DOCK9: variants seen among roughly 807,000 people sequenced by gnomAD.
The protein encoded by DOCK9 is dedicator of cytokinesis 9.
DOCK9 carries 89 observed loss-of-function variants against 263.3 expected under a neutral mutation model. The ratio of observed to expected loss-of-function variants is 0.34; its 90% confidence interval spans 0.28 to 0.40. The LOEUF (loss-of-function observed/expected upper bound fraction) is 0.40. Ranked by LOEUF, DOCK9 falls within the 10% of genes least tolerant of loss-of-function variation. The pLI, the probability that DOCK9 is intolerant of heterozygous loss-of-function variation, is 1.00. For missense variants in DOCK9, 2,140 were observed against 2,603.4 expected (o/e 0.82, Z 3.87); for synonymous variants, 976 against 973.1 (o/e 1.00, Z -0.06).
At chr13:99,008,196 CTCTCTCTCTCTCTCTCTATA>C (rs1262930957) in intron 1 of DOCK9, among the ~76,000 whole-genome samples, 1 of 72,150 alleles carries the variant, frequency 1.4e-5, no homozygotes, top group Non-Finnish European at 2.8e-5. Flanking sequence ...CTCTCTCTCT[CTCTCTCTCTCTCTCTCTATA>C]TATATATATA....
intron 3 of DOCK9, among the ~76,000 whole-genome samples, chr13:98,926,935 T>A (rs1351304986): frequency 4.7e-5 from 7 of 147,840 alleles, no homozygotes; most frequent in Admixed American, 4.1e-4. Flanking sequence ...AACCTTTCTA[T>A]CTGTGTCACA....
At chr13:99,082,774 C>A (rs2042179058) in intron 1 of DOCK9, among the ~76,000 whole-genome samples, 1 of 152,080 alleles carries the variant, frequency 6.6e-6, no homozygotes, top group Admixed American at 6.5e-5. Flanking sequence ...AACAACAATA[C>A]AAGGAAAGCA....
At chr13:99,057,917 G>A (rs2041001468) in intron 1 of DOCK9, among the ~76,000 whole-genome samples, 1 of 152,074 alleles carries the variant, frequency 6.6e-6, no homozygotes, top group African/African-American at 2.4e-5. Context: ...ATTCTGTTAT[G>A]TTGAAAACTG....
chr13:98,876,456 A>T lies in DOCK9; in HGVS notation c.2943+3442T>A, dbSNP rs533487317. 6.6e-5 allele frequency among the ~76,000 whole-genome samples: 10 copies of T among 152,322 alleles called. No homozygotes were observed. In the East Asian group the frequency reaches 1.9e-3, roughly 29 times the overall value. ...CAGTGAGCCCAGATTGCGTCACAGC[A>T]CTCCAGCCTGGGCAACAAGAGCAAA... On this transcript the variant is annotated intron_variant, in intron 27 of 52. Coordinates refer to ENST00000682017, the MANE Select transcript of DOCK9 (RefSeq NM_001366683.2).
intron 9 of DOCK9, among the ~76,000 whole-genome samples, chr13:98,912,092 G>T (rs1233165121): frequency 6.6e-6 from 1 of 151,624 alleles, no homozygotes; most frequent in East Asian, 2.0e-4. Context: ...GGCTGGTCTT[G>T]AACTCCTAAC....
rs1555298970 is a variant in DOCK9 at position 99,038,287 on chromosome 13, C to CTTTTTTTTT, written c.129+47935_129+47936insAAAAAAAAA. Among the ~76,000 whole-genome samples, 17 of 48,816 alleles carry CTTTTTTTTT rather than the reference C, an allele frequency of 3.5e-4. 1 individual carries two copies. In the East Asian group the frequency reaches 8.4e-3, roughly 24 times the overall value. The allele number at this position is 48,816 out of a possible 152,430, so 32.0% of individuals were successfully genotyped here. Reference sequence around the variant, plus strand: ...AGCTGAAAAACTGGCTTTATGCCCCCCTTTTTTTTTTTTTTTTTTTTTTTT... The same window carrying CTTTTTTTTT: ...AGCTGAAAAACTGGCTTTATGCCCCCTTTTTTTTTCTTTTTTTTTTTTTTTTTTTTTTTT... On this transcript the variant is annotated intron_variant, in intron 1 of 32. Transcript: ENST00000427887.
At chr13:98,873,128 G>A (rs2094232556) in intron 27 of DOCK9, among the ~76,000 whole-genome samples, 1 of 152,128 alleles carries the variant, frequency 6.6e-6, no homozygotes, top group Non-Finnish European at 1.5e-5. Flanking sequence ...TCACACATGT[G>A]CTGCCCTCTG....
intron 2 of DOCK9, 89 bp downstream of exon 2, chr13:98,955,339 TAATTAAC>T: frequency 2.5e-6 from 2 of 794,516 alleles, no homozygotes; most frequent in South Asian, 5.4e-5. Context: ...ATAATAATAA[TAATTAAC>T]TAACCAAACA....
At chr13:99,070,412 G>A (rs147525164) in intron 1 of DOCK9, among the ~76,000 whole-genome samples, 29 of 152,128 alleles carry the variant, frequency 1.9e-4, no homozygotes, top group Admixed American at 1.7e-3. Context: ...TCTTAAACAT[G>A]TTTTCACACA....
intron 50 of DOCK9, among the ~76,000 whole-genome samples, chr13:98,797,726 G>T (rs993910070): frequency 2.0e-5 from 3 of 152,162 alleles, no homozygotes; most frequent in African/African-American, 7.2e-5. Flanking sequence ...TATGTAAGAA[G>T]AAACCAATGC....
At chr13:98,809,051 A>C in intron 47 of DOCK9, 1 of 1,509,604 alleles carries the variant, frequency 6.6e-7, no homozygotes, top group African/African-American at 1.4e-5. Context: ...TACAGACTTG[A>C]AAAGCAAACT....
chr13:99,084,655 C>T (rs2042259707), intron 1 of DOCK9, among the ~76,000 whole-genome samples: 1 of 152,134 alleles, frequency 6.6e-6, no homozygotes, highest in African/African-American at 2.4e-5. Flanking sequence ...CACTCCTGGG[C>T]TCCATCTACA....
rs1257291775 is a variant in DOCK9 at position 98,829,495 on chromosome 13, C to T, written c.4777G>A (p.Asp1593Asn). Residue 1593 changes from aspartate (D) to asparagine (N), a missense_variant, in exon 43 of 53, where the codon GAC becomes AAC. By Grantham distance (23) the Asp-to-Asn change is conservative. This residue lies in a region of DOCK9 where 619 missense variants were observed against 861.8 expected (regional missense o/e 0.72). Transcript: ENST00000682017. The surrounding 1 kb of genome is among the most constrained non-coding windows in gnomAD (Gnocchi z 4.1). ...KHTSFSSDVK[D>N]LTKRIRTVLM... ...ACCGTGCGTATCCTTTTGGTTAAGT[C>T]CTTCACATCAGAGGAGAAGCTGGTG... 1.2e-6 allele frequency: 2 copies of T among 1,613,702 alleles called. No individual in the cohort carries two copies. Among genetic ancestry groups the T allele is most frequent in the Admixed American group, 3.3e-5 (2 of 60,004 alleles).
rs144372921 is a variant in DOCK9 at position 99,015,888 on chromosome 13, G to C, written c.130-60337C>G. 152 of 680,442 alleles carry C rather than the reference G, an allele frequency of 2.2e-4. 1 individual carries two copies. In the African/African-American group the frequency reaches 2.4e-3, roughly 11 times the overall value. 42.2% of individuals were successfully genotyped at this position (680,442 alleles called of 1,614,324 possible). A position where few individuals can be genotyped will look rare whatever the true frequency, so the allele number is the denominator to read the frequency against. On this transcript the variant is annotated intron_variant, in intron 1 of 32. Transcript: ENST00000427887. ...CCTTTAAAGTATCGTTTTTCTAGCTGATTGCTTCACTCTTAATACCAAAGA... is the reference window on the plus strand; with the variant it reads ...CCTTTAAAGTATCGTTTTTCTAGCTCATTGCTTCACTCTTAATACCAAAGA...
intron 14 of DOCK9, 105 bp downstream of exon 14, chr13:98,898,074 C>A (rs2047699579): frequency 8.9e-6 from 7 of 782,850 alleles, no homozygotes; most frequent in Non-Finnish European, 1.4e-5. Flanking sequence ...CTCAGTTTTA[C>A]ACATTCAAAT....
intron 38 of DOCK9, among the ~76,000 whole-genome samples, chr13:98,843,664 T>G (rs192078661): frequency 6.6e-6 from 1 of 152,144 alleles, no homozygotes; most frequent in East Asian, 1.9e-4. Flanking sequence ...GAGGACAGTA[T>G]GCCACTGAAA....
At chr13:99,048,444 G>C (rs1039410294) in intron 1 of DOCK9, among the ~76,000 whole-genome samples, 2 of 152,174 alleles carry the variant, frequency 1.3e-5, no homozygotes, top group African/African-American at 4.8e-5. Flanking sequence ...GTGTTCATCA[G>C]TGTTCATTAA....
At chr13:99,005,644 A>C (rs1217983989) in intron 1 of DOCK9, among the ~76,000 whole-genome samples, 3 of 152,202 alleles carry the variant, frequency 2.0e-5, no homozygotes, top group African/African-American at 7.2e-5. Context: ...ATCTTAACTA[A>C]ACTATAAATC....
At chr13:98,934,855 A>G (rs971015685) in intron 2 of DOCK9, among the ~76,000 whole-genome samples, 1 of 152,234 alleles carries the variant, frequency 6.6e-6, no homozygotes, top group African/African-American at 2.4e-5. Context: ...TTACCCATTC[A>G]TCTATCCATC....
Sources: allele counts gnomAD v4.1 joint callset (sites outside exome capture counted in the v4.1 genomes callset), GRCh38; gene constraint gnomAD v4.1.1; regional missense constraint gnomAD v4.1.1; non-coding constraint Gnocchi (gnomAD v3.1); transcripts MANE v1.5; gene names NCBI Gene and HGNC (gene_info 2026-07-23, HGNC 2026-07-21).